The following TSHZ3 variants were observed in gnomAD, a reference collection of about 807,000 sequenced individuals.
TSHZ3 encodes teashirt zinc finger homeobox 3.
A neutral mutation model predicts 64.5 loss-of-function variants in TSHZ3; 10 were observed. The observed-to-expected ratio is 0.16, with a 90% confidence interval of 0.10 to 0.26. TSHZ3 has a LOEUF of 0.26. Among genes scored for constraint, TSHZ3 ranks in the 10% least tolerant of loss-of-function variants. The pLI, the probability that TSHZ3 is intolerant of heterozygous loss-of-function variation, is 1.00. For synonymous variants in TSHZ3, 608 were observed against 593.1 expected (o/e 1.03, Z -0.36); for missense variants, 1,242 against 1,421.7 (o/e 0.87, Z 2.03).
intron 1 of TSHZ3, among the ~76,000 whole-genome samples, chr19:31,329,074 T>C (rs932961599): frequency 2.0e-5 from 3 of 152,202 alleles, no homozygotes; most frequent in African/African-American, 4.8e-5. Context: ...CATTTCATCA[T>C]TAAATTACAC....
chr19:31,176,358 A>G (rs547917199), intron 5 of TSHZ3, among the ~76,000 whole-genome samples: 2 of 152,222 alleles, frequency 1.3e-5, no homozygotes, highest in African/African-American at 4.8e-5. Flanking sequence ...GTTGGAAGAG[A>G]ACTCAGATGA....
chr19:31,327,645 C>T (rs953347506), intron 1 of TSHZ3, among the ~76,000 whole-genome samples: 6 of 152,070 alleles, frequency 3.9e-5, no homozygotes, highest in African/African-American at 1.2e-4. Context: ...TATATGTACA[C>T]ACAATACACG....
At chr19:31,212,449 C>T (rs1341942903) in intron 4 of TSHZ3, among the ~76,000 whole-genome samples, 2 of 152,052 alleles carry the variant, frequency 1.3e-5, no homozygotes, top group African/African-American at 4.8e-5. Flanking sequence ...CAGAGTGAAA[C>T]TGTGTCTCAA....
At chr19:31,173,966 G>A (rs545040318) in intron 5 of TSHZ3, among the ~76,000 whole-genome samples, 1 of 152,304 alleles carries the variant, frequency 6.6e-6, no homozygotes, top group South Asian at 2.1e-4. Context: ...TACTCGGGAG[G>A]CTGAGGCAGG....
At chr19:31,176,827 A>G (rs778582124) in intron 5 of TSHZ3, among the ~76,000 whole-genome samples, 3 of 152,122 alleles carry the variant, frequency 2.0e-5, no homozygotes, top group Non-Finnish European at 4.4e-5. Flanking sequence ...AACAACAACA[A>G]AAAACACAAC....
At chr19:31,215,110 C>A (rs1975309277) in intron 4 of TSHZ3, among the ~76,000 whole-genome samples, 1 of 152,018 alleles carries the variant, frequency 6.6e-6, no homozygotes, top group Non-Finnish European at 1.5e-5. Context: ...CAAGCATTTC[C>A]CAGACATTAG....
intron 4 of TSHZ3, among the ~76,000 whole-genome samples, chr19:31,222,909 G>A (rs1975409496): frequency 6.6e-6 from 1 of 152,168 alleles, no homozygotes. Flanking sequence ...AAGAAGACAT[G>A]TCAATAATAC....
At chr19:31,231,772 G>A (rs963015818) in intron 3 of TSHZ3, among the ~76,000 whole-genome samples, 1 of 152,128 alleles carries the variant, frequency 6.6e-6, no homozygotes, top group African/African-American at 2.4e-5. Context: ...GGATCCTATA[G>A]CAGCTTCACA....
intron 1 of TSHZ3, among the ~76,000 whole-genome samples, chr19:31,249,513 G>A (rs914601056): frequency 1.2e-4 from 18 of 151,544 alleles, no homozygotes; most frequent in African/African-American, 3.4e-4. Flanking sequence ...ACACACATGC[G>A]CGCCCGCACA....
At chr19:31,349,745 G>A (rs955575768), upstream of TSHZ3, among the ~76,000 whole-genome samples, 4 of 148,346 alleles carry the variant, frequency 2.7e-5, no homozygotes, top group East Asian at 8.4e-4. Context: ...TAGGCCGGGG[G>A]TCACGGCATC....
At chr19:31,195,043 G>A (rs1974964153) in intron 5 of TSHZ3, among the ~76,000 whole-genome samples, 1 of 151,856 alleles carries the variant, frequency 6.6e-6, no homozygotes, top group African/African-American at 2.4e-5. Context: ...TTGAAAAGCA[G>A]GGAGAAAAAG....
rs189180652 is a variant in TSHZ3 at position 31,252,242 on chromosome 19, T to G, written n.64-9367A>C. ...AGGGGAAAATCCGTTTCTTGACTTT[T>G]CTGGCTTTTGGTGGCCTTCCTGAGG... On this transcript the variant is annotated intron_variant and non_coding_transcript_variant, in intron 1 of 6. Coordinates refer to the TSHZ3 transcript ENST00000651361. 2.0e-5 allele frequency among the ~76,000 whole-genome samples: 3 copies of G among 152,302 alleles called. No homozygotes were observed. In the East Asian group the frequency reaches 5.8e-4, roughly 29 times the overall value.
At chr19:31,230,938 G>A (rs371913500) in intron 3 of TSHZ3, among the ~76,000 whole-genome samples, 5 of 151,550 alleles carry the variant, frequency 3.3e-5, no homozygotes, top group Non-Finnish European at 5.9e-5. Context: ...TCCTGACCTC[G>A]TGATCCTCCA....
At chr19:31,161,093 G>A (rs1309863554) in intron 5 of TSHZ3, among the ~76,000 whole-genome samples, 2 of 152,052 alleles carry the variant, frequency 1.3e-5, no homozygotes, top group African/African-American at 2.4e-5. Flanking sequence ...GTGTGTATGT[G>A]TGTGTGTATC....
intron 1 of TSHZ3, among the ~76,000 whole-genome samples, chr19:31,318,016 C>T (rs991420424): frequency 1.3e-4 from 20 of 152,144 alleles, no homozygotes; most frequent in Non-Finnish European, 2.2e-4. Context: ...TTGCAGCTAG[C>T]TTTTAAACCA....
rs1160334453 is a variant in TSHZ3, at chr19:31,340,338, C to CAAAAAAAAAAAAAAAAAAAAAA, written c.40+8820_40+8841dup. On this transcript the variant is annotated intron_variant, in intron 1 of 1. Coordinates refer to ENST00000240587, the MANE Select transcript of TSHZ3 (RefSeq NM_020856.4). ...ATTAATTAGCAACAGGCCTACAGTA[C>CAAAAAAAAAAAAAAAAAAAAAA]AAAAAAAAAAAAAAAAAAAAAAAAA... 1.5e-4 allele frequency among the ~76,000 whole-genome samples: 5 copies of CAAAAAAAAAAAAAAAAAAAAAA among 32,762 alleles called. 1 individual carries two copies. The highest frequency in any genetic ancestry group is 2.3e-4 in the Non-Finnish European group (4 of 17,570). 21.5% of individuals were successfully genotyped at this position (32,762 alleles called of 152,430 possible).
intron 1 of TSHZ3, among the ~76,000 whole-genome samples, chr19:31,263,693 C>A (rs138403465): frequency 3.2e-4 from 48 of 152,132 alleles, no homozygotes; most frequent in Admixed American, 8.5e-4. Flanking sequence ...TCCTGTGGGT[C>A]CCCCCCACTC....
At position 31,277,155 on chromosome 19, in the gene TSHZ3, C is replaced by T. The variant is rs377370224; in HGVS notation, c.2638G>A (p.Glu880Lys). ...EKSDIDGATL[E>K]EAEESTPAQK... Reference sequence around the variant, plus strand: ...GCGGGCGTCGACTCCTCAGCCTCCTCCAGAGTGGCCCCGTCAATGTCAGAC... The same window carrying T: ...GCGGGCGTCGACTCCTCAGCCTCCTTCAGAGTGGCCCCGTCAATGTCAGAC... Residue 880 changes from glutamate to lysine, a missense_variant, in exon 2 of 2, where the codon GAG (glutamate) becomes AAG (lysine). Glu to Lys is a moderately conservative substitution (Grantham distance 56). Around this residue, in one of 4 missense-constraint regions of TSHZ3, gnomAD observed 550 missense variants for 545.1 expected, o/e 1.01. Coordinates refer to ENST00000240587, the MANE Select transcript of TSHZ3 (RefSeq NM_020856.4). The surrounding 1 kb of genome is among the most constrained non-coding windows in gnomAD (Gnocchi z 4.5). 6.2e-7 allele frequency: 1 copy of T among 1,613,328 alleles called. No individual in the cohort carries two copies. The highest frequency in any genetic ancestry group is 8.5e-7 in the Non-Finnish European group (1 of 1,179,528).
chr19:31,214,032 C>A (rs1975294504), intron 4 of TSHZ3, among the ~76,000 whole-genome samples: 1 of 152,212 alleles, frequency 6.6e-6, no homozygotes, highest in African/African-American at 2.4e-5. Context: ...GGCCGCCAGG[C>A]CATCACTGCT....
Sources: gnomAD v4.1 joint callset for allele counts (sites outside exome capture counted in the v4.1 genomes callset) on GRCh38, gnomAD v4.1.1 for gene constraint, gnomAD v4.1.1 regional missense constraint, Gnocchi (gnomAD v3.1) non-coding constraint, MANE v1.5 for transcripts, NCBI Gene and HGNC (gene_info 2026-07-23, HGNC 2026-07-21) for gene names.